Variants in GRIN2B observed in about 807,000 individuals in gnomAD.
GRIN2B encodes glutamate receptor ionotropic, NMDA 2B.
A neutral mutation model predicts 114.5 loss-of-function variants in GRIN2B; 5 were observed. That is an observed-to-expected ratio of 0.04 (90% CI 0.02 to 0.09). The LOEUF (loss-of-function observed/expected upper bound fraction) is 0.09. Ranked by LOEUF, GRIN2B falls within the 10% of genes least tolerant of loss-of-function variation. GRIN2B has a pLI of 1.00. For missense variants in GRIN2B, 1,108 were observed against 1,943.5 expected (o/e 0.57, Z 8.08); for synonymous variants, 787 against 745.1 (o/e 1.06, Z -0.92).
intron 5 of GRIN2B, 49 bp downstream of exon 5, chr12:13,675,696 T>C: frequency 8.5e-7 from 1 of 1,172,552 alleles, no homozygotes; most frequent in South Asian, 1.2e-5. Context: ...TTGCAAAATT[T>C]CACATTTCTA....
At chr12:13,638,793 T>A (rs760876992) in intron 5 of GRIN2B, among the ~76,000 whole-genome samples, 1 of 152,180 alleles carries the variant, frequency 6.6e-6, no homozygotes, top group East Asian at 1.9e-4. Context: ...GTATTCCTGG[T>A]GACCTCAGCA....
At chr12:13,860,017 G>A (rs1303888030) in intron 3 of GRIN2B, among the ~76,000 whole-genome samples, 6 of 152,322 alleles carry the variant, frequency 3.9e-5, no homozygotes, top group Middle Eastern at 3.4e-3. Flanking sequence ...GTGAAGAAGC[G>A]TAGGGTAAGG....
intron 2 of GRIN2B, among the ~76,000 whole-genome samples, chr12:13,955,237 T>A (rs1867568743): frequency 6.6e-6 from 1 of 152,240 alleles, no homozygotes; most frequent in Non-Finnish European, 1.5e-5. Flanking sequence ...GGTTACATAT[T>A]TATTTAGACC....
intron 2 of GRIN2B, among the ~76,000 whole-genome samples, chr12:13,964,393 T>C (rs1867752690): frequency 1.3e-5 from 2 of 152,228 alleles, no homozygotes; most frequent in African/African-American, 4.8e-5. Flanking sequence ...GGCCCTGCCC[T>C]TGGCCACAAA....
intron 5 of GRIN2B, among the ~76,000 whole-genome samples, chr12:13,620,635 A>G (rs554631957): frequency 6.6e-6 from 1 of 152,340 alleles, no homozygotes; most frequent in Non-Finnish European, 1.5e-5. Flanking sequence ...CTGAGACTGT[A>G]AACACATTTC....
intron 3 of GRIN2B, among the ~76,000 whole-genome samples, chr12:13,834,140 C>A (rs1865207977): frequency 6.9e-6 from 1 of 145,592 alleles, no homozygotes; most frequent in Non-Finnish European, 1.5e-5. Flanking sequence ...ATGCCATTCT[C>A]CTGCCTCAGC....
At chr12:13,838,456 T>C (rs1865317498) in intron 3 of GRIN2B, among the ~76,000 whole-genome samples, 1 of 152,214 alleles carries the variant, frequency 6.6e-6, no homozygotes, top group African/African-American at 2.4e-5. Context: ...CTCAGTTGAA[T>C]AACCTGCATT....
chr12:13,798,904 T>G (rs1238276361), intron 3 of GRIN2B, among the ~76,000 whole-genome samples: 1 of 152,262 alleles, frequency 6.6e-6, no homozygotes, highest in East Asian at 1.9e-4. Context: ...CTCCTTTCCC[T>G]GTTGCTCTTT....
chr12:13,659,225 G>T (rs958060110), intron 5 of GRIN2B, among the ~76,000 whole-genome samples: 1 of 152,122 alleles, frequency 6.6e-6, no homozygotes, highest in Non-Finnish European at 1.5e-5. Context: ...CACTAATTTT[G>T]TTCCTTGTTT....
intron 2 of GRIN2B, among the ~76,000 whole-genome samples, chr12:13,890,685 C>T (rs1203872697): frequency 6.6e-6 from 1 of 152,176 alleles, no homozygotes; most frequent in Non-Finnish European, 1.5e-5. Flanking sequence ...TCTCCCACGA[C>T]ACCCCTTGTC....
At chr12:13,763,844 T>C (rs2136639196) in intron 3 of GRIN2B, among the ~76,000 whole-genome samples, 1 of 152,356 alleles carries the variant, frequency 6.6e-6, no homozygotes, top group East Asian at 1.9e-4. Context: ...TCCAAGTTTA[T>C]TTGAGATTTT....
chr12:13,564,755 C>G lies in GRIN2B; in HGVS notation c.2599-116G>C. On this transcript the variant is annotated intron_variant, in intron 13 of 13. Coordinates refer to ENST00000609686, the MANE Select transcript of GRIN2B (RefSeq NM_000834.5). The surrounding 1 kb of genome is among the most constrained non-coding windows in gnomAD (Gnocchi z 4.8). ...GATAAGAAAAAGGGAAAGCATGAAG[C>G]GAATAGTCTAATATACTATTAGATG... The G allele has an allele frequency of 2.1e-6, 2 of 955,098 alleles. No individual in the cohort carries two copies. The highest frequency in any genetic ancestry group is 3.4e-6 in the Non-Finnish European group (2 of 594,642). 59.2% of individuals were successfully genotyped at this position (955,098 alleles called of 1,614,324 possible).
chr12:13,965,640 A>G (rs923710646), intron 2 of GRIN2B, among the ~76,000 whole-genome samples: 1 of 152,146 alleles, frequency 6.6e-6, no homozygotes, highest in Non-Finnish European at 1.5e-5. Context: ...AATTAAAGAT[A>G]TACTTCTTGT....
At chr12:13,627,352 C>A (rs1009989725) in intron 5 of GRIN2B, among the ~76,000 whole-genome samples, 2 of 152,120 alleles carry the variant, frequency 1.3e-5, no homozygotes, top group Non-Finnish European at 2.9e-5. Flanking sequence ...CAAAACAGTT[C>A]TCATAATGTA....
chr12:13,941,705 C>T (rs189723430), intron 2 of GRIN2B, among the ~76,000 whole-genome samples: 174 of 152,272 alleles, frequency 1.1e-3, no homozygotes, highest in Admixed American at 1.8e-3. Context: ...ACCCAGGGGA[C>T]CATCACTGCA....
At chr12:13,594,135 A>G (rs527874458) in intron 10 of GRIN2B, among the ~76,000 whole-genome samples, 31 of 152,316 alleles carry the variant, frequency 2.0e-4, no homozygotes, top group African/African-American at 7.2e-4. Flanking sequence ...AAGGATCTAG[A>G]ACTAGAAATA....
At chr12:13,716,892 C>T (rs571054335) in intron 4 of GRIN2B, among the ~76,000 whole-genome samples, 14 of 151,786 alleles carry the variant, frequency 9.2e-5, no homozygotes, top group Non-Finnish European at 1.3e-4. Context: ...CCTGATGTGA[C>T]TAAATATGCA....
intron 2 of GRIN2B, among the ~76,000 whole-genome samples, chr12:13,898,064 T>A (rs1866382367): frequency 6.6e-6 from 1 of 151,876 alleles, no homozygotes; most frequent in Non-Finnish European, 1.5e-5. Context: ...ACTAGCTCTA[T>A]CAACAAGGCT....
At chr12:13,707,175 T>C (rs747418650) in intron 4 of GRIN2B, among the ~76,000 whole-genome samples, 1 of 152,074 alleles carries the variant, frequency 6.6e-6, no homozygotes, top group African/African-American at 2.4e-5. Context: ...TTCTGTCAGC[T>C]CTTACTCCAT....
Sources: gnomAD v4.1 joint callset for allele counts (sites outside exome capture counted in the v4.1 genomes callset) on GRCh38, gnomAD v4.1.1 for gene constraint, Gnocchi (gnomAD v3.1) non-coding constraint, MANE v1.5 for transcripts, NCBI Gene and HGNC (gene_info 2026-07-23, HGNC 2026-07-21) for gene names.